Variants in TPTE observed in about 807,000 individuals in gnomAD.
TPTE encodes the protein transmembrane phosphatase with tensin homology, also known as putative tyrosine-protein phosphatase TPTE.
Under a neutral mutation model 84.1 loss-of-function variants are expected in TPTE, and 59 were observed. The ratio of observed to expected loss-of-function variants is 0.70; its 90% CI spans 0.57 to 0.87. The LOEUF is 0.87. Among genes scored for constraint, TPTE ranks in the 40% least tolerant of loss-of-function variants. TPTE has a pLI of 0.00. For missense variants in TPTE, 382 were observed against 659.6 expected, an observed-to-expected ratio of 0.58 and a Z score of 4.61; for synonymous variants, 130 against 223.5, an observed-to-expected ratio of 0.58 and a Z score of 3.73.
intron 8 of TPTE, among the ~76,000 whole-genome samples, chr21:10,558,153 C>T (rs1250808221): frequency 6.6e-6 from 1 of 152,430 alleles, no homozygotes; most frequent in African/African-American, 2.4e-5. Context: ...TCCAATCTGT[C>T]ATTGATGGGT....
At chr21:10,560,471 A>C (rs1343216453) in intron 9 of TPTE, among the ~76,000 whole-genome samples, 3 of 152,306 alleles carry the variant, frequency 2.0e-5, no homozygotes, top group Non-Finnish European at 2.9e-5. Context: ...AGCAAGTGGC[A>C]GGAGGTACTT....
At chr21:10,594,875 G>A (rs1171952006) in intron 19 of TPTE, among the ~76,000 whole-genome samples, 1 of 152,312 alleles carries the variant, frequency 6.6e-6, no homozygotes, top group Non-Finnish European at 1.5e-5. Flanking sequence ...TTCTGATCCT[G>A]CATTGTGGGC....
At chr21:10,541,212 C>CTG (rs2074364047) in intron 5 of TPTE, 47 bp downstream of exon 5, 1 of 1,608,694 alleles carries the variant, frequency 6.2e-7, no homozygotes, top group African/African-American at 1.3e-5. Context: ...TGGTTCACAC[C>CTG]TGTAATCTGA....
intron 8 of TPTE, among the ~76,000 whole-genome samples, chr21:10,556,641 T>G (rs1357547304): frequency 6.6e-6 from 1 of 152,310 alleles, no homozygotes; most frequent in Non-Finnish European, 1.5e-5. Context: ...ATGGTTGAAC[T>G]AGTTTACAGT....
chr21:10,536,644 C>T (rs551566201), intron 3 of TPTE, among the ~76,000 whole-genome samples: 226 of 152,326 alleles, frequency 1.5e-3, no homozygotes, highest in Middle Eastern at 6.8e-3. Context: ...TATGTGCTTG[C>T]GCTCAGGATC....
intron 17 of TPTE, among the ~76,000 whole-genome samples, chr21:10,589,548 C>T (rs868861205): frequency 0.015 from 2,171 of 148,604 alleles, no homozygotes; most frequent in African/African-American, 0.055. Flanking sequence ...TGTCCTGCTC[C>T]CAGTCCAGGT....
At chr21:10,582,758 A>G (rs1412849904) in intron 17 of TPTE, among the ~76,000 whole-genome samples, 1 of 152,212 alleles carries the variant, frequency 6.6e-6, no homozygotes, top group African/African-American at 2.4e-5. Context: ...TTTTGAGATT[A>G]GGTCTCACTC....
chr21:10,589,061 C>A (rs1289894307), intron 17 of TPTE, among the ~76,000 whole-genome samples: 1 of 152,312 alleles, frequency 6.6e-6, no homozygotes, highest in Non-Finnish European at 1.5e-5. Flanking sequence ...AGTGTCACTA[C>A]ATTCAGATTT....
In TPTE at chr21:10,571,950, A is replaced by T. The variant is rs376693916; in HGVS notation, c.795+1401A>T. On this transcript the variant is annotated intron_variant, in intron 14 of 23. Coordinates refer to ENST00000618007, the MANE Select transcript of TPTE (RefSeq NM_199261.4). Reference sequence around the variant, plus strand: ...AATCCAGGAGGTGGAGGTTGCAGTGAGCCAAGATTGTGCCACTGCACTCCA... The same window carrying T: ...AATCCAGGAGGTGGAGGTTGCAGTGTGCCAAGATTGTGCCACTGCACTCCA... Among the ~76,000 whole-genome samples the T allele has an allele frequency of 1.1e-3, 168 of 151,966 alleles. No individual in the cohort carries two copies. In the East Asian group the frequency reaches 0.011, roughly 10 times the overall value.
At chr21:10,587,078 A>C (rs1187447832) in intron 17 of TPTE, among the ~76,000 whole-genome samples, 1 of 152,312 alleles carries the variant, frequency 6.6e-6, no homozygotes, top group Non-Finnish European at 1.5e-5. Context: ...TAATTGAGAT[A>C]ATTGTAAGGT....
At chr21:10,597,182 A>G (rs559528422) in intron 20 of TPTE, among the ~76,000 whole-genome samples, 1 of 152,424 alleles carries the variant, frequency 6.6e-6, no homozygotes, top group East Asian at 1.9e-4. Flanking sequence ...AAAAGGAACA[A>G]AAAAGCCTTT....
At chr21:10,583,608 C>G (rs1460060964) in intron 17 of TPTE, among the ~76,000 whole-genome samples, 1 of 152,310 alleles carries the variant, frequency 6.6e-6, no homozygotes, top group African/African-American at 2.4e-5. Flanking sequence ...CATGCTTTCC[C>G]TTTATAAAGT....
intron 11 of TPTE, among the ~76,000 whole-genome samples, chr21:10,568,444 A>G (rs1390041413): frequency 6.6e-6 from 1 of 152,308 alleles, no homozygotes; most frequent in South Asian, 2.1e-4. Context: ...GGGAAACTAA[A>G]GAGTATATGA....
intron 14 of TPTE, among the ~76,000 whole-genome samples, chr21:10,577,245 A>T (rs1316773873): frequency 6.6e-6 from 1 of 152,308 alleles, no homozygotes; most frequent in Admixed American, 6.5e-5. Flanking sequence ...TACAATAGAG[A>T]CTCATCTGAG....
chr21:10,560,924 TAAC>T (rs2074787252), intron 9 of TPTE, 103 bp from the exon 10 acceptor site: 4 of 1,383,350 alleles, frequency 2.9e-6, no homozygotes, highest in Non-Finnish European at 3.8e-6. Context: ...TACTAAATAA[TAAC>T]ATTTTGGTAC....
intron 3 of TPTE, among the ~76,000 whole-genome samples, chr21:10,530,779 T>G (rs950288558): frequency 1.3e-5 from 2 of 152,310 alleles, no homozygotes; most frequent in African/African-American, 4.8e-5. Context: ...TCCTGAATAA[T>G]GCATGATGGT....
At chr21:10,569,296 C>T (rs2145701898) in intron 11 of TPTE, 141 bp from the exon 12 acceptor site, 2 of 1,186,564 alleles carry the variant, frequency 1.7e-6, no homozygotes, top group African/African-American at 1.5e-5. Context: ...TGCCTCCAGA[C>T]ATTGCCAAAT....
intron 9 of TPTE, among the ~76,000 whole-genome samples, chr21:10,560,270 C>A (rs1320096118): frequency 6.6e-6 from 1 of 152,308 alleles, no homozygotes; most frequent in Non-Finnish European, 1.5e-5. Flanking sequence ...TTTACTTAGA[C>A]TCTTCTCTAC....
intron 6 of TPTE, 135 bp downstream of exon 6, chr21:10,542,583 C>CCATCCATTCATCCATCCATCCATT (rs1392500803): frequency 8.0e-7 from 1 of 1,254,604 alleles, no homozygotes; most frequent in Admixed American, 1.9e-5. Flanking sequence ...ATCCATCCAT[C>CCATCCATTCATCCATCCATCCATT]CATCCATTCA....
Sources: gnomAD v4.1 joint callset for allele counts (sites outside exome capture counted in the v4.1 genomes callset) on GRCh38, gnomAD v4.1.1 for gene constraint, MANE v1.5 for transcripts, NCBI Gene and HGNC (gene_info 2026-07-23, HGNC 2026-07-21) for gene names.